Variants in JAK1 observed in about 807,000 individuals in gnomAD.
The protein encoded by JAK1 is Janus kinase 1, also known as tyrosine-protein kinase JAK1.
Under a neutral mutation model 136.6 loss-of-function variants are expected in JAK1, and 16 were observed. The observed-to-expected ratio is 0.12, with a 90% CI of 0.08 to 0.18. The LOEUF (loss-of-function observed/expected upper bound fraction) is 0.18. Among genes scored for constraint, JAK1 ranks in the 10% least tolerant of loss-of-function variants. The probability of loss-of-function intolerance (pLI) is 1.00; values close to 1 mark genes in which losing one functional copy is unlikely to be tolerated. For missense variants in JAK1, 859 were observed against 1,450.1 expected (o/e 0.59, Z 6.62); for synonymous variants, 492 against 519.5 (o/e 0.95, Z 0.72).
At chr1:65,047,517 G>A (rs1036690649) in intron 1 of JAK1, among the ~76,000 whole-genome samples, 8 of 152,158 alleles carry the variant, frequency 5.3e-5, no homozygotes, top group African/African-American at 9.7e-5. Context: ...AGGAGATCGA[G>A]ACCATCCTGG....
At chr1:64,941,032 C>T (rs1410140661) in intron 1 of JAK1, among the ~76,000 whole-genome samples, 6 of 152,048 alleles carry the variant, frequency 3.9e-5, no homozygotes, top group Admixed American at 6.6e-5. Context: ...GGCGTGGTGG[C>T]GCATACCTGT....
intron 1 of JAK1, among the ~76,000 whole-genome samples, chr1:64,957,707 G>A (rs945374281): frequency 2.0e-5 from 3 of 151,750 alleles, no homozygotes; most frequent in African/African-American, 7.3e-5. Flanking sequence ...CACTTTGGGA[G>A]GCCGAGGCAG....
rs2101102877 is a variant in JAK1 at position 64,864,910 on chromosome 1, C to T, written c.1053G>A (p.Lys351=). 6.2e-7 allele frequency: 1 copy of T among 1,613,906 alleles called. No homozygotes were observed. Among genetic ancestry groups the T allele is most frequent in the Non-Finnish European group, 8.5e-7 (1 of 1,179,902 alleles). The stretch of plus-strand genomic sequence containing the variant: ...GGATCTTGTTTTTCTCCTCATCCTT[C>T]TTGTGTTTATTTTCCAGTTTTTTCC... ...LKRKKLENKH[K]KDEEKNKIRE... Residue 351 remains lysine (K), a synonymous_variant, in exon 8 of 25, where the codon AAG becomes AAA. Transcript: ENST00000342505.
chr1:64,974,618 G>C (rs935810213), intron 2 of JAK1: 3 of 152,338 alleles, frequency 2.0e-5, no homozygotes, highest in African/African-American at 7.2e-5. Context: ...GGATTAGCCA[G>C]GCAAGAGATG....
intron 2 of JAK1, among the ~76,000 whole-genome samples, chr1:65,000,307 A>C (rs1308999066): frequency 6.6e-6 from 1 of 152,122 alleles, no homozygotes; most frequent in East Asian, 1.9e-4. Flanking sequence ...TACCACTTCC[A>C]GAAAATCTAC....
At chr1:64,928,788 A>AAAAAAAAAAAAAAAAAAAC (rs1645632414) in intron 1 of JAK1, among the ~76,000 whole-genome samples, 1 of 90,614 alleles carries the variant, frequency 1.1e-5, no homozygotes, top group Non-Finnish European at 2.1e-5. Flanking sequence ...CAAAAAAAAA[A>AAAAAAAAAAAAAAAAAAAC]AAAAAAAACA....
At chr1:64,888,515 C>T (rs879913532) in intron 1 of JAK1, among the ~76,000 whole-genome samples, 1 of 152,168 alleles carries the variant, frequency 6.6e-6, no homozygotes, top group Non-Finnish European at 1.5e-5. Flanking sequence ...CACTATCAGA[C>T]CATGTGTTAC....
chr1:64,969,111 TAA>T (rs556278912), upstream of JAK1, among the ~76,000 whole-genome samples: 1 of 143,404 alleles, frequency 7.0e-6, no homozygotes, highest in Admixed American at 6.9e-5. Context: ...CCCCTTCTCT[TAA>T]AAAAAAAAAA....
At position 64,984,745 on chromosome 1, in the gene JAK1, G is replaced by T. The variant is rs1646581712; in HGVS notation, c.-78+59735C>A. On this transcript the variant is annotated intron_variant, in intron 2 of 25. Transcript: ENST00000671954. This position sits in a 1 kb window ranked among gnomAD's most constrained non-coding sequence, Gnocchi z 4.1. ...TTGAAAGTCCTGTAACACATCTCAG[G>T]GACTTTGAAGAAGGTAAAGATCAAG... 2 of 915,784 alleles carry T rather than the reference G, an allele frequency of 2.2e-6. No individual in the cohort carries two copies. The highest frequency in any genetic ancestry group is 3.4e-6 in the Non-Finnish European group (2 of 590,550). The allele number at this position is 915,784 out of a possible 1,614,324, so 56.7% of individuals were successfully genotyped here. A position where few individuals can be genotyped will look rare whatever the true frequency, so the allele number is the denominator to read the frequency against.
intron 1 of JAK1, among the ~76,000 whole-genome samples, chr1:64,911,242 A>C (rs1460745183): frequency 6.6e-6 from 1 of 152,196 alleles, no homozygotes; most frequent in African/African-American, 2.4e-5. Flanking sequence ...CTACTTCGAA[A>C]GATTAATAGT....
intron 2 of JAK1, among the ~76,000 whole-genome samples, chr1:64,980,970 A>G (rs1044531512): frequency 3.3e-5 from 5 of 152,158 alleles, no homozygotes; most frequent in African/African-American, 7.2e-5. Context: ...AATCCAGTCT[A>G]TCATTGTTGG....
chr1:64,840,700 C>T (rs780661092), intron 19 of JAK1, among the ~76,000 whole-genome samples: 11 of 151,984 alleles, frequency 7.2e-5, no homozygotes, highest in African/African-American at 9.7e-5. Flanking sequence ...AGCATGGGGG[C>T]GTGTGCCTGT....
intron 20 of JAK1, among the ~76,000 whole-genome samples, chr1:64,839,132 C>G (rs1283686478): frequency 5.4e-5 from 6 of 111,232 alleles, no homozygotes; most frequent in African/African-American, 7.9e-5. Context: ...GGCCACAGAG[C>G]GAGACTCCGT....
intron 11 of JAK1, among the ~76,000 whole-genome samples, chr1:64,854,583 C>T (rs948036595): frequency 6.6e-6 from 1 of 152,188 alleles, no homozygotes; most frequent in African/African-American, 2.4e-5. Context: ...GTGACCTCTA[C>T]GTGTCTTTCC....
intron 2 of JAK1, among the ~76,000 whole-genome samples, chr1:65,017,607 G>T (rs1646901386): frequency 6.6e-6 from 1 of 151,956 alleles, no homozygotes. Context: ...TTTCAAAAAT[G>T]GACTCATACA....
intron 11 of JAK1, among the ~76,000 whole-genome samples, chr1:64,852,155 A>G (rs1329059995): frequency 6.6e-6 from 1 of 152,218 alleles, no homozygotes; most frequent in Non-Finnish European, 1.5e-5. Context: ...CCGGTGTTCT[A>G]TGAGCATTAT....
chr1:64,994,634 A>G (rs1646687436), intron 2 of JAK1, among the ~76,000 whole-genome samples: 1 of 152,132 alleles, frequency 6.6e-6, no homozygotes, highest in African/African-American at 2.4e-5. Flanking sequence ...ATTAGGCTCC[A>G]TTTCCCAACA....
chr1:64,854,581 T>C (rs916565007), intron 11 of JAK1, among the ~76,000 whole-genome samples: 2 of 152,192 alleles, frequency 1.3e-5, no homozygotes, highest in Non-Finnish European at 1.5e-5. Context: ...GTGTGACCTC[T>C]ACGTGTCTTT....
chr1:64,894,586 C>T (rs954438181), intron 1 of JAK1, among the ~76,000 whole-genome samples: 1 of 151,984 alleles, frequency 6.6e-6, no homozygotes. Flanking sequence ...TGGTGAAACC[C>T]CGTCTCTACT....
Sources: gnomAD v4.1 joint callset for allele counts (sites outside exome capture counted in the v4.1 genomes callset) on GRCh38, gnomAD v4.1.1 for gene constraint, Gnocchi (gnomAD v3.1) non-coding constraint, MANE v1.5 for transcripts, NCBI Gene and HGNC (gene_info 2026-07-23, HGNC 2026-07-21) for gene names.